The following NTM variants were observed in gnomAD, a reference collection of about 807,000 sequenced individuals.
The protein encoded by NTM is IgLON family member 2.
In NTM, 13 loss-of-function variants were observed where a neutral mutation model predicts 42.1. That is an observed-to-expected ratio of 0.31 (90% CI 0.20 to 0.49). NTM has a LOEUF of 0.49. Among genes scored for constraint, NTM ranks in the 20% least tolerant of loss-of-function variants. NTM has a pLI of 0.99. For missense variants in NTM, 373 were observed against 452.8 expected, an observed-to-expected ratio of 0.82 and a Z score of 1.60; for synonymous variants, 187 against 179.2, an observed-to-expected ratio of 1.04 and a Z score of -0.35.
intron 2 of NTM, among the ~76,000 whole-genome samples, chr11:132,008,872 T>C (rs940528476): frequency 1.4e-4 from 21 of 152,008 alleles, no homozygotes; most frequent in Non-Finnish European, 2.2e-4. Context: ...TTTTCTTTTT[T>C]TTTTTTCCTG....
intron 1 of NTM, among the ~76,000 whole-genome samples, chr11:131,500,573 ATATATTTTT>A (rs1326915552): frequency 2.8e-4 from 11 of 39,744 alleles, no homozygotes; most frequent in Admixed American, 9.1e-4. Context: ...ATATATATAT[ATATATTTTT>A]TTTTTTTTTT....
chr11:131,800,553 C>T (rs903594403), intron 1 of NTM, among the ~76,000 whole-genome samples: 8 of 152,214 alleles, frequency 5.3e-5, no homozygotes, highest in African/African-American at 1.7e-4. Flanking sequence ...CTTGGTTTTG[C>T]TGCTTTTAAT....
In NTM at chr11:131,717,577, TC is replaced by T. The variant is rs200207341; in HGVS notation, c.83-193986del. On this transcript the variant is annotated intron_variant, in intron 1 of 8. Transcript: ENST00000683400. ...ACTGATTTTTGCATAGAATTTCTTG[TC>T]TTGTAACAATGCTACTCTTGTTTGT... Among the ~76,000 whole-genome samples the T allele has an allele frequency of 7.2e-3, 1,099 of 152,342 alleles. 11 individuals carry two copies. Among genetic ancestry groups the T allele is most frequent in the African/African-American group, 0.025 (1,044 of 41,566 alleles).
intron 2 of NTM, among the ~76,000 whole-genome samples, chr11:131,917,442 G>C (rs2056569838): frequency 6.6e-6 from 1 of 152,222 alleles, no homozygotes. Flanking sequence ...CACAGATGAG[G>C]TGTGTTGGTT....
chr11:131,603,343 A>G (rs1418127700), intron 1 of NTM, among the ~76,000 whole-genome samples: 1 of 152,058 alleles, frequency 6.6e-6, no homozygotes, highest in Non-Finnish European at 1.5e-5. Context: ...GAATCTTATT[A>G]ATATGAAAAA....
rs201054103 is a variant in NTM, at chr11:131,370,789, A to G, written c.-18A>G. The G allele has an allele frequency of 3.1e-6, 5 of 1,606,272 alleles. No homozygotes were observed. The highest frequency in any genetic ancestry group is 4.3e-6 in the Non-Finnish European group (5 of 1,175,750). The stretch of plus-strand genomic sequence containing the variant: ...CCGAACCTGACAAAAAAGAAGAAAA[A>G]GAAGAAGAAAAAAAATCATGAAAAC... On this transcript the variant is annotated 5_prime_UTR_variant, in exon 1 of 9. Transcript: ENST00000683400.
intron 1 of NTM, among the ~76,000 whole-genome samples, chr11:131,755,832 G>A (rs1465352346): frequency 6.6e-6 from 1 of 152,142 alleles, no homozygotes; most frequent in Admixed American, 6.5e-5. Flanking sequence ...CTGAAGCTTT[G>A]GCCAAATTGC....
At chr11:131,469,829 C>T (rs1026309525) in intron 1 of NTM, among the ~76,000 whole-genome samples, 3 of 152,306 alleles carry the variant, frequency 2.0e-5, no homozygotes, top group Middle Eastern at 3.4e-3. Flanking sequence ...CTTGGAGCAT[C>T]GTAAGCAGTC....
rs551765484 is a variant in NTM at position 132,117,645 on chromosome 11, A to G, written c.168-28637A>G. Among the ~76,000 whole-genome samples, 170 of 152,276 alleles carry G rather than the reference A, an allele frequency of 1.1e-3. 2 individuals are homozygous for G. Among genetic ancestry groups the G allele is most frequent in the African/African-American group, 3.9e-3 (161 of 41,558 alleles). ...CAAAAATAAAATAGTACCCCTCTCC[A>G]TACTTCCTGTTGTCCACACAGGAAT... On this transcript the variant is annotated intron_variant, in intron 2 of 8. Coordinates refer to ENST00000683400, the MANE Select transcript of NTM (RefSeq NM_001352005.2).
chr11:131,506,194 C>A (rs1369181360), intron 1 of NTM, among the ~76,000 whole-genome samples: 1 of 152,094 alleles, frequency 6.6e-6, no homozygotes, highest in East Asian at 1.9e-4. Flanking sequence ...TGTGATTATT[C>A]CCGAGCCTAT....
intron 1 of NTM, among the ~76,000 whole-genome samples, chr11:131,740,049 G>GCAGATT (rs2080985808): frequency 6.6e-6 from 1 of 152,120 alleles, no homozygotes; most frequent in Admixed American, 6.5e-5. Context: ...ACTTTACTGC[G>GCAGATT]CAGATTGCTG....
At chr11:131,469,722 C>T (rs1414937096) in intron 1 of NTM, among the ~76,000 whole-genome samples, 2 of 152,206 alleles carry the variant, frequency 1.3e-5, no homozygotes, top group African/African-American at 4.8e-5. Context: ...GCTTAGTTTT[C>T]TCATCTATAA....
chr11:131,538,239 T>C (rs2052588326), intron 1 of NTM: 1 of 152,212 alleles, frequency 6.6e-6, no homozygotes, highest in Non-Finnish European at 1.5e-5. Flanking sequence ...TGTAGAATGT[T>C]ACAGCTGGAA....
chr11:132,216,443 C>T (rs1566495615), intron 4 of NTM, among the ~76,000 whole-genome samples: 1 of 152,148 alleles, frequency 6.6e-6, no homozygotes, highest in Non-Finnish European at 1.5e-5. Context: ...CCTAATGGAG[C>T]TCCCATCTTG....
intron 1 of NTM, among the ~76,000 whole-genome samples, chr11:131,452,192 G>A (rs545934229): frequency 6.6e-6 from 1 of 152,342 alleles, no homozygotes; most frequent in East Asian, 1.9e-4. Flanking sequence ...TTAACGGGCT[G>A]AGAAATGGAA....
chr11:132,264,875 C>T (rs914434508), intron 4 of NTM, among the ~76,000 whole-genome samples: 14 of 152,218 alleles, frequency 9.2e-5, no homozygotes, highest in African/African-American at 3.1e-4. Flanking sequence ...AGGGCAAGAG[C>T]ATGGATGACA....
intron 1 of NTM, among the ~76,000 whole-genome samples, chr11:131,506,726 G>C (rs2047538009): frequency 6.6e-6 from 1 of 152,166 alleles, no homozygotes; most frequent in African/African-American, 2.4e-5. Context: ...TAGGCCCCTG[G>C]GAAAAGTGCT....
chr11:131,949,391 G>A (rs904126851), intron 2 of NTM, among the ~76,000 whole-genome samples: 3 of 152,180 alleles, frequency 2.0e-5, no homozygotes, highest in Non-Finnish European at 4.4e-5. Flanking sequence ...GCTCATAAAG[G>A]TGGAAGCTTT....
chr11:132,333,419 G>A (rs777295049), intron 8 of NTM, among the ~76,000 whole-genome samples: 1 of 152,176 alleles, frequency 6.6e-6, no homozygotes, highest in South Asian at 2.1e-4. Context: ...GTAGATGACA[G>A]AGTGAGCATC....
Sources: gnomAD v4.1 joint callset for allele counts (sites outside exome capture counted in the v4.1 genomes callset) on GRCh38, gnomAD v4.1.1 for gene constraint, MANE v1.5 for transcripts, NCBI Gene and HGNC (gene_info 2026-07-23, HGNC 2026-07-21) for gene names.